Variants in HSPA12B observed in about 807,000 individuals in gnomAD.
The protein encoded by HSPA12B is heat shock 70 kDa protein 12B.
A neutral mutation model predicts 69.3 loss-of-function variants in HSPA12B; 54 were observed. That is an observed-to-expected ratio of 0.78 (90% CI 0.63 to 0.98). The LOEUF (loss-of-function observed/expected upper bound fraction) is 0.98. Ranked by LOEUF, HSPA12B falls within the 50% of genes least tolerant of loss-of-function variation. HSPA12B has a pLI of 0.00. For synonymous variants in HSPA12B, 441 were observed against 436.5 expected, an observed-to-expected ratio of 1.01 and a Z score of -0.13; for missense variants, 929 against 999.8, an observed-to-expected ratio of 0.93 and a Z score of 0.96.
chr20:3,733,958 G>A (rs1302423945), intron 1 of HSPA12B, among the ~76,000 whole-genome samples: 3 of 152,150 alleles, frequency 2.0e-5, no homozygotes, highest in African/African-American at 7.2e-5. Flanking sequence ...GGACATGAGC[G>A]CCCAGCTGAA....
At chr20:3,751,140 TG>T in intron 12 of HSPA12B, 1 of 701,858 alleles carries the variant, frequency 1.4e-6, no homozygotes, top group Non-Finnish European at 1.8e-6. Context: ...ATTTATAAAA[TG>T]GGGTGATAGT....
chr20:3,752,327 G>T lies in HSPA12B; in HGVS notation c.*161G>T. 2 of 662,932 alleles carry T rather than the reference G, an allele frequency of 3.0e-6. No individual in the cohort carries two copies. Among genetic ancestry groups the T allele is most frequent in the Non-Finnish European group, 4.6e-6 (2 of 434,154 alleles). The allele number at this position is 662,932 out of a possible 1,614,324, so 41.1% of individuals were successfully genotyped here. ...AGATAAGGTCATGGGAGAGTGGGTG[G>T]GGACACACCCAGAGACTGGCTTTGG... On this transcript the variant is annotated 3_prime_UTR_variant, in exon 13 of 13. Coordinates refer to ENST00000254963, the MANE Select transcript of HSPA12B (RefSeq NM_052970.5).
At position 3,737,772 on chromosome 20, in the gene HSPA12B, G is replaced by T. The variant is rs1192349449; in HGVS notation, c.-17-886G>T. Among the ~76,000 whole-genome samples the T allele has an allele frequency of 6.6e-6, 1 of 152,202 alleles. No individual in the cohort carries two copies. Among genetic ancestry groups the T allele is most frequent in the African/African-American group, 2.4e-5 (1 of 41,448 alleles). ...AATCCCAGCACTTTGAGAGGCCGAG[G>T]TGGGCGGATCACCTGAGGTCAGGAG... On this transcript the variant is annotated intron_variant, in intron 1 of 12. Coordinates refer to ENST00000254963, the MANE Select transcript of HSPA12B (RefSeq NM_052970.5). This position sits in a 1 kb window ranked among gnomAD's most constrained non-coding sequence, Gnocchi z 4.1.
At chr20:3,741,174 C>T (rs146950141) in intron 3 of HSPA12B, among the ~76,000 whole-genome samples, 31 of 152,282 alleles carry the variant, frequency 2.0e-4, no homozygotes, top group African/African-American at 6.3e-4. Flanking sequence ...GAGGCACCCA[C>T]GGCCATTGAA....
chr20:3,739,321 T>C (rs1823336408), intron 2 of HSPA12B, among the ~76,000 whole-genome samples: 1 of 152,108 alleles, frequency 6.6e-6, no homozygotes, highest in Non-Finnish European at 1.5e-5. Context: ...GGCAGGTCTC[T>C]GTGCACAGGA....
In HSPA12B at chr20:3,738,857, T is replaced by TGCAGG. The variant is rs1600309705; in HGVS notation, c.43+143_43+144insGGGCA. On this transcript the variant is annotated intron_variant, in intron 2 of 12. Transcript: ENST00000254963. ...CTGTGAGTGAGTGTGTGTGTGTGTG[T>TGCAGG]GCATGTGTGCAGGGCAGGTCTGTGT... 37 of 643,020 alleles carry TGCAGG rather than the reference T, an allele frequency of 5.8e-5. 1 individual carries two copies. The East Asian group carries it at 1.1e-3, about 20-fold the overall frequency. The allele number at this position is 643,020 out of a possible 1,614,324, so 39.8% of individuals were successfully genotyped here.
Position 3,749,705 on chromosome 20 carries a change from G to A in HSPA12B, c.938-45G>A, listed in dbSNP as rs1307663933. 7.2e-7 allele frequency: 1 copy of A among 1,379,964 alleles called. No individual in the cohort carries two copies. The highest frequency in any genetic ancestry group is 9.9e-7 in the Non-Finnish European group (1 of 1,009,702). 85.5% of individuals were successfully genotyped at this position (1,379,964 alleles called of 1,614,324 possible). A position where few individuals can be genotyped will look rare whatever the true frequency, so the allele number is the denominator to read the frequency against. Reference sequence around the variant, plus strand: ...AGGCTGGAGGGGGCGCAGGGCTGAGGGTGCGAGGCCGCCCACGAGTGTGTG... The same window carrying A: ...AGGCTGGAGGGGGCGCAGGGCTGAGAGTGCGAGGCCGCCCACGAGTGTGTG... On this transcript the variant is annotated intron_variant, in intron 9 of 12. Coordinates refer to ENST00000254963, the MANE Select transcript of HSPA12B (RefSeq NM_052970.5). The surrounding 1 kb of genome is among the most constrained non-coding windows in gnomAD (Gnocchi z 5.5).
Position 3,742,305 on chromosome 20 carries a change from C to A in HSPA12B, c.163C>A (p.Gln55Lys). 6.2e-7 allele frequency: 1 copy of A among 1,614,080 alleles called. No homozygotes were observed. Among genetic ancestry groups the A allele is most frequent in the Non-Finnish European group, 8.5e-7 (1 of 1,179,932 alleles). Residue 55 changes from glutamine to lysine, a missense_variant, in exon 4 of 13, where the codon CAG becomes AAG. Physicochemically the swap from Gln to Lys is moderately conservative, Grantham distance 53. Around this residue, in one of 3 missense-constraint regions of HSPA12B, gnomAD observed 477 missense variants for 535.2 expected, o/e 0.89. Coordinates refer to ENST00000254963, the MANE Select transcript of HSPA12B (RefSeq NM_052970.5). ...GCAGAAACCCGAGGTCCGAGCCCCC[C>A]AGCAGGCCTCCTTCTCTGTGGTGGT... Reference protein sequence around the residue: ...QSPKPEVRAPQQASFSVVVAI... With the variant: ...QSPKPEVRAPKQASFSVVVAI...
At position 3,741,849 on chromosome 20, in the gene HSPA12B, G is replaced by A. The variant is rs532250227; in HGVS notation, c.142-435G>A. 2.6e-5 allele frequency among the ~76,000 whole-genome samples: 4 copies of A among 152,314 alleles called. No individual in the cohort carries two copies. In the South Asian group the frequency reaches 8.3e-4, roughly 32 times the overall value. On this transcript the variant is annotated intron_variant, in intron 3 of 12. Transcript: ENST00000254963. ...CTCTGCCACAGAATCAGACAGTCTG[G>A]TTTGTGTCACTATGGCCACAAAGAG...
intron 3 of HSPA12B, among the ~76,000 whole-genome samples, chr20:3,741,115 T>C (rs1320919889): frequency 2.0e-5 from 3 of 152,024 alleles, no homozygotes. Flanking sequence ...GTAACAATTC[T>C]ACTGAGAAGG....
chr20:3,751,638 G>A lies in HSPA12B; in HGVS notation c.1533G>A (p.Val511=). ...TGGGCGCCCGCGGTCTGCGTGTCGT[G>A]GTCCCGCACGACGTGGGCCTCACCA... is the stretch of plus-strand genomic sequence containing the variant. The part of the protein sequence containing the change: ...AALGARGLRV[V]VPHDVGLTIL... The change falls in exon 13 of 13, where the codon GTG becomes GTA. Residue 511 remains valine, a synonymous_variant. Transcript: ENST00000254963. The A allele has an allele frequency of 6.6e-7, 1 of 1,526,566 alleles. No homozygotes were observed. The highest frequency in any genetic ancestry group is 1.4e-5 in the African/African-American group (1 of 71,664). The allele number at this position is 1,526,566 out of a possible 1,614,324, so 94.6% of individuals were successfully genotyped here. A position where few individuals can be genotyped will look rare whatever the true frequency, so the allele number is the denominator to read the frequency against.
At position 3,749,655 on chromosome 20, in the gene HSPA12B, C is replaced by T. The variant is rs983543105; in HGVS notation, c.938-95C>T. 2.1e-6 allele frequency: 2 copies of T among 933,626 alleles called. No individual in the cohort carries two copies. Among genetic ancestry groups the T allele is most frequent in the Admixed American group, 5.5e-5 (2 of 36,446 alleles). 57.8% of individuals were successfully genotyped at this position (933,626 alleles called of 1,614,324 possible). On this transcript the variant is annotated intron_variant, in intron 9 of 12. Transcript: ENST00000254963. This position sits in a 1 kb window ranked among gnomAD's most constrained non-coding sequence, Gnocchi z 5.5. ...CGACCCTGCAGACAGGCCTTGGGAC[C>T]CGGGGCAGGGCTGGAGGCTGGGCGA...
At chr20:3,735,761 C>T (rs2146551383) in intron 1 of HSPA12B, among the ~76,000 whole-genome samples, 2 of 152,132 alleles carry the variant, frequency 1.3e-5, no homozygotes, top group Admixed American at 1.3e-4. Flanking sequence ...CCACGGCGCC[C>T]GGCCCAGAGT....
Position 3,751,722 on chromosome 20 carries a change from G to A in HSPA12B, c.1617G>A (p.Ser539=). ...CGGGCGTGGTGCGGGTCCGCCGCTC[G>A]CCGCTCACCTATGGCGTGGGCGTGC... is the stretch of plus-strand genomic sequence containing the variant. ...QAPGVVRVRR[S]PLTYGVGVLN... The change falls in exon 13 of 13, where the codon TCG becomes TCA. Residue 539 remains serine, a synonymous_variant. Transcript: ENST00000254963. The A allele has an allele frequency of 2.0e-6, 3 of 1,489,412 alleles. No homozygotes were observed. The highest frequency in any genetic ancestry group is 1.3e-5 in the South Asian group (1 of 79,146). 92.3% of individuals were successfully genotyped at this position (1,489,412 alleles called of 1,614,324 possible).
At chr20:3,736,183 C>A (rs2088106219) in intron 1 of HSPA12B, among the ~76,000 whole-genome samples, 1 of 152,200 alleles carries the variant, frequency 6.6e-6, no homozygotes, top group Non-Finnish European at 1.5e-5. Flanking sequence ...ACTCCATCAT[C>A]CTGAGCTGGG....
At chr20:3,743,641 G>A (rs2088246628) in intron 4 of HSPA12B, among the ~76,000 whole-genome samples, 1 of 152,096 alleles carries the variant, frequency 6.6e-6, no homozygotes. Context: ...CACATACGAA[G>A]CTACCACTTT....
chr20:3,738,459 G>T (rs1319355073), intron 1 of HSPA12B, among the ~76,000 whole-genome samples, 199 bp from the exon 2 acceptor site: 1 of 152,232 alleles, frequency 6.6e-6, no homozygotes, highest in African/African-American at 2.4e-5. Flanking sequence ...ACATGAGAAT[G>T]GTGTTGCGAT....
rs1307756097 is a variant in HSPA12B at position 3,751,818 on chromosome 20, C to T, written c.1713C>T (p.Thr571=). The T allele has an allele frequency of 6.5e-7, 1 of 1,533,198 alleles. No individual in the cohort carries two copies. Among genetic ancestry groups the T allele is most frequent in the Non-Finnish European group, 8.7e-7 (1 of 1,145,912 alleles). The allele number at this position is 1,533,198 out of a possible 1,614,324, so 95.0% of individuals were successfully genotyped here. A position where few individuals can be genotyped will look rare whatever the true frequency, so the allele number is the denominator to read the frequency against. The change falls in exon 13 of 13, where the codon ACC becomes ACT. Residue 571 remains threonine, a synonymous_variant. Coordinates refer to ENST00000254963, the MANE Select transcript of HSPA12B (RefSeq NM_052970.5). The part of the protein sequence containing the change: ...LLVRDGRRWC[T]DVFERFVAAE... ...TTCGCGACGGCCGCCGCTGGTGCAC[C>T]GACGTCTTCGAGCGCTTCGTGGCCG...
Sources: gnomAD v4.1 joint callset for allele counts (sites outside exome capture counted in the v4.1 genomes callset) on GRCh38, gnomAD v4.1.1 for gene constraint, gnomAD v4.1.1 regional missense constraint, Gnocchi (gnomAD v3.1) non-coding constraint, MANE v1.5 for transcripts, NCBI Gene and HGNC (gene_info 2026-07-23, HGNC 2026-07-21) for gene names.